Variants in PDGFD observed in about 807,000 individuals in gnomAD.
The protein encoded by PDGFD is platelet derived growth factor D, also known as platelet-derived growth factor D.
PDGFD carries 30 observed loss-of-function variants against 44.7 expected under a neutral mutation model. The observed-to-expected ratio is 0.67, with a 90% CI of 0.50 to 0.91. The LOEUF is 0.91. Among genes scored for constraint, PDGFD ranks in the 40% least tolerant of loss-of-function variants. The pLI, the probability that PDGFD is intolerant of heterozygous loss-of-function variation, is 0.00. For missense variants in PDGFD, 445 were observed against 457.8 expected, an observed-to-expected ratio of 0.97 and a Z score of 0.25; for synonymous variants, 173 against 168.4, an observed-to-expected ratio of 1.03 and a Z score of -0.21.
At chr11:104,114,033 C>G (rs1861598051) in intron 1 of PDGFD, among the ~76,000 whole-genome samples, 1 of 151,942 alleles carries the variant, frequency 6.6e-6, no homozygotes, top group African/African-American at 2.4e-5. Context: ...TATCTTCTCC[C>G]AGTGTGTGAT....
Position 104,106,926 on chromosome 11 carries a change from T to C in PDGFD, c.124+56878A>G, listed in dbSNP as rs529709781. ...GCCTGGCTAATTTTTGTGTTTTTAG[T>C]AGAGATGGGGGTTTCACCATGTTGC... On this transcript the variant is annotated intron_variant, in intron 1 of 6. Transcript: ENST00000393158. Among the ~76,000 whole-genome samples, 6 of 152,070 alleles carry C rather than the reference T, an allele frequency of 3.9e-5. No homozygotes were observed. The South Asian group carries it at 1.0e-3, about 26-fold the overall frequency.
chr11:103,967,948 C>T (rs952690064), intron 3 of PDGFD, among the ~76,000 whole-genome samples: 2 of 152,162 alleles, frequency 1.3e-5, no homozygotes, highest in Non-Finnish European at 2.9e-5. Context: ...GATTACTCTT[C>T]ATCCCATGGC....
chr11:104,138,718 A>C (rs967854754), intron 1 of PDGFD, among the ~76,000 whole-genome samples: 1 of 152,178 alleles, frequency 6.6e-6, no homozygotes. Flanking sequence ...TCAACTCCAA[A>C]TAAAATGACT....
At chr11:104,132,421 T>C (rs1861938272) in intron 1 of PDGFD, among the ~76,000 whole-genome samples, 1 of 152,104 alleles carries the variant, frequency 6.6e-6, no homozygotes, top group African/African-American at 2.4e-5. Context: ...TTCTCTATAG[T>C]TGGAAACAAA....
chr11:104,113,589 G>GTTT (rs34817646), intron 1 of PDGFD, among the ~76,000 whole-genome samples: 18 of 141,768 alleles, frequency 1.3e-4, no homozygotes, highest in African/African-American at 4.1e-4. Flanking sequence ...CAACTGCAGT[G>GTTT]TTTTTTTTTT....
intron 6 of PDGFD, among the ~76,000 whole-genome samples, chr11:103,919,754 C>T (rs1003478217): frequency 1.1e-4 from 16 of 152,022 alleles, no homozygotes; most frequent in Admixed American, 2.6e-4. Flanking sequence ...GGTGATCTGC[C>T]TGCCTCAGCC....
intron 6 of PDGFD, among the ~76,000 whole-genome samples, chr11:103,925,811 C>T (rs1858304862): frequency 6.6e-6 from 1 of 150,770 alleles, no homozygotes; most frequent in African/African-American, 2.4e-5. Context: ...TCACTGCAAC[C>T]TCCGCCTCCC....
chr11:104,157,332 C>T (rs1439318925), intron 1 of PDGFD, among the ~76,000 whole-genome samples: 7 of 152,162 alleles, frequency 4.6e-5, no homozygotes, highest in Non-Finnish European at 2.9e-5. Flanking sequence ...GGAAGACTGG[C>T]CCTGATCACA....
intron 3 of PDGFD, among the ~76,000 whole-genome samples, chr11:103,984,904 AATTTATTTAATATATTTAT>A (rs1859332508): frequency 7.2e-6 from 1 of 138,448 alleles, no homozygotes; most frequent in Non-Finnish European, 1.5e-5. Flanking sequence ...ATAATATATT[AATTTATTTAATATATTTAT>A]ATTTATTTAA....
intron 1 of PDGFD, among the ~76,000 whole-genome samples, chr11:104,058,318 A>G (rs372145855): frequency 3.9e-5 from 6 of 152,358 alleles, no homozygotes; most frequent in African/African-American, 1.4e-4. Flanking sequence ...AAATAACTCA[A>G]TACAACATGG....
chr11:104,013,107 CAAGTGTCTGAATGTTG>C (rs1859807274), intron 1 of PDGFD, among the ~76,000 whole-genome samples: 1 of 152,326 alleles, frequency 6.6e-6, no homozygotes, highest in South Asian at 2.1e-4. Context: ...GGAGAAAAAA[CAAGTGTCTGAATGTTG>C]AAGTGTCTGA....
intron 6 of PDGFD, among the ~76,000 whole-genome samples, chr11:103,914,390 C>A (rs1447566181): frequency 6.6e-6 from 1 of 152,160 alleles, no homozygotes; most frequent in Non-Finnish European, 1.5e-5. Context: ...CCTCTCAAGA[C>A]TAAACCAGGA....
chr11:103,979,428 T>G (rs1478719459), intron 3 of PDGFD, among the ~76,000 whole-genome samples: 2 of 152,046 alleles, frequency 1.3e-5, no homozygotes, highest in African/African-American at 4.8e-5. Context: ...CTACAAACCC[T>G]CAGTTGTATT....
chr11:104,163,709 C>T, intron 1 of PDGFD, 95 bp downstream of exon 1: 1 of 1,384,632 alleles, frequency 7.2e-7, no homozygotes, highest in Admixed American at 2.3e-5. Context: ...AGTTCACATT[C>T]AAGATTCAAA....
At chr11:103,933,653 C>A (rs1278103577) in intron 5 of PDGFD, among the ~76,000 whole-genome samples, 1 of 152,218 alleles carries the variant, frequency 6.6e-6, no homozygotes, top group Non-Finnish European at 1.5e-5. Context: ...ACTTACTGAG[C>A]AACTACTATG....
At chr11:104,109,288 G>C (rs1861516383) in intron 1 of PDGFD, among the ~76,000 whole-genome samples, 1 of 152,046 alleles carries the variant, frequency 6.6e-6, no homozygotes, top group South Asian at 2.1e-4. Context: ...CCCTGTGTCA[G>C]ACACCCACTT....
chr11:104,152,165 A>C (rs1253081215), intron 1 of PDGFD, among the ~76,000 whole-genome samples: 1 of 152,180 alleles, frequency 6.6e-6, no homozygotes, highest in African/African-American at 2.4e-5. Context: ...AAAAGTAGTA[A>C]ACTAAAGAAT....
At chr11:104,152,524 A>C (rs1168006212) in intron 1 of PDGFD, among the ~76,000 whole-genome samples, 1 of 151,938 alleles carries the variant, frequency 6.6e-6, no homozygotes, top group East Asian at 1.9e-4. Context: ...CCTCATCCTT[A>C]ATTTATTTTT....
intron 1 of PDGFD, among the ~76,000 whole-genome samples, chr11:104,076,839 G>T (rs1395953458): frequency 6.6e-6 from 1 of 152,084 alleles, no homozygotes; most frequent in African/African-American, 2.4e-5. Flanking sequence ...CATATTCAAC[G>T]TGAGGATGAG....
Sources: allele counts gnomAD v4.1 joint callset (sites outside exome capture counted in the v4.1 genomes callset), GRCh38; gene constraint gnomAD v4.1.1; transcripts MANE v1.5; gene names NCBI Gene and HGNC (gene_info 2026-07-23, HGNC 2026-07-21).